The following ADAM10 variants were observed in gnomAD, a reference collection of about 807,000 sequenced individuals.
ADAM10 encodes the protein ADAM metallopeptidase domain 10, also known as disintegrin and metalloproteinase domain-containing protein 10.
In ADAM10, 17 loss-of-function variants were observed where a neutral mutation model predicts 90.1. The ratio of observed to expected loss-of-function variants is 0.19; its 90% confidence interval spans 0.13 to 0.28. The LOEUF (loss-of-function observed/expected upper bound fraction) is 0.28. ADAM10 is among the 10% of genes least tolerant of loss of function. The pLI, the probability that ADAM10 is intolerant of heterozygous loss-of-function variation, is 1.00. For synonymous variants in ADAM10, 310 were observed against 298.6 expected (o/e 1.04, Z -0.40); for missense variants, 610 against 914.3 (o/e 0.67, Z 4.29).
intron 2 of ADAM10, among the ~76,000 whole-genome samples, chr15:58,705,105 G>C (rs1410682603): frequency 6.6e-6 from 1 of 152,146 alleles, no homozygotes; most frequent in African/African-American, 2.4e-5. Flanking sequence ...AACTCTCTTT[G>C]ATTTTTAATG....
At chr15:58,631,147 C>G (rs967020547) in intron 9 of ADAM10, among the ~76,000 whole-genome samples, 3 of 152,142 alleles carry the variant, frequency 2.0e-5, no homozygotes, top group African/African-American at 7.2e-5. Flanking sequence ...GCCTGAGGCC[C>G]TTACCAGAAG....
At chr15:58,712,686 A>G (rs1898514565) in intron 2 of ADAM10, among the ~76,000 whole-genome samples, 1 of 148,880 alleles carries the variant, frequency 6.7e-6, no homozygotes. Context: ...ATTAGCCGGG[A>G]GCGGTGGTGG....
intron 1 of ADAM10, chr15:58,747,486 T>A (rs1330325082): frequency 6.6e-6 from 1 of 152,224 alleles, no homozygotes; most frequent in Non-Finnish European, 1.5e-5. Flanking sequence ...TCAATCTCAA[T>A]GTGCTGAAGT....
At chr15:58,736,258 C>G (rs1010407613) in intron 1 of ADAM10, among the ~76,000 whole-genome samples, 31 of 152,144 alleles carry the variant, frequency 2.0e-4, no homozygotes, top group Non-Finnish European at 4.4e-4. Flanking sequence ...GCAAAGTCAA[C>G]GTCTTCTCCT....
intron 15 of ADAM10, 131 bp from the exon 16 acceptor site, chr15:58,597,772 T>C: frequency 1.2e-6 from 1 of 855,018 alleles, no homozygotes; most frequent in Non-Finnish European, 1.7e-6. Flanking sequence ...ATCAATGTAA[T>C]TTAAAATCTT....
At chr15:58,621,739 T>C in intron 10 of ADAM10, 118 bp from the exon 11 acceptor site, 2 of 1,234,096 alleles carry the variant, frequency 1.6e-6, no homozygotes, top group South Asian at 1.3e-5. Context: ...GATGAATAAG[T>C]AGAACAAACT....
chr15:58,640,970 A>C lies in ADAM10; in HGVS notation c.829-10T>G, dbSNP rs781091745. The C allele has an allele frequency of 1.4e-5, 23 of 1,611,648 alleles. No individual in the cohort carries two copies. The Admixed American group carries it at 2.2e-4, about 15-fold the overall frequency. On this transcript the variant is annotated splice_polypyrimidine_tract_variant and intron_variant, in intron 7 of 15. Transcript: ENST00000260408. ...CAGCAGTTGTATTGATCTAAAATCC[A>C]AAACAATAATTTAGTAAGTAATTAA...
At chr15:58,715,566 C>T (rs142719367) in intron 2 of ADAM10, among the ~76,000 whole-genome samples, 31 of 152,262 alleles carry the variant, frequency 2.0e-4, no homozygotes, top group African/African-American at 7.5e-4. Context: ...TAACACATCA[C>T]ATGTGCCTTA....
chr15:58,727,156 C>T (rs984178429), intron 1 of ADAM10, among the ~76,000 whole-genome samples: 45 of 150,066 alleles, frequency 3.0e-4, no homozygotes, highest in African/African-American at 1.1e-3. Flanking sequence ...TGGTGCACCA[C>T]CATGCCATGC....
At position 58,641,065 on chromosome 15, in the gene ADAM10, G is replaced by A. The variant is rs1332390488; in HGVS notation, c.829-105C>T. 10 of 1,115,512 alleles carry A rather than the reference G, an allele frequency of 9.0e-6. No homozygotes were observed. In the African/African-American group the frequency reaches 1.1e-4, roughly 12 times the overall value. The allele number at this position is 1,115,512 out of a possible 1,614,324, so 69.1% of individuals were successfully genotyped here. A position where few individuals can be genotyped will look rare whatever the true frequency, so the allele number is the denominator to read the frequency against. ...GTACACCTGGACAATATGCTCCCAT[G>A]GAAATCAGGCCTGAATTAAGGCTTC... On this transcript the variant is annotated intron_variant, in intron 7 of 15. Coordinates refer to ENST00000260408, the MANE Select transcript of ADAM10 (RefSeq NM_001110.4).
intron 1 of ADAM10, chr15:58,749,027 C>T: frequency 2.5e-6 from 1 of 399,124 alleles, no homozygotes; most frequent in Non-Finnish European, 4.4e-6. Flanking sequence ...AATCCGCCAC[C>T]GGGCAGGGGC....
chr15:58,655,646 C>G (rs1301492377), intron 5 of ADAM10, among the ~76,000 whole-genome samples: 1 of 97,862 alleles, frequency 1.0e-5, no homozygotes, highest in Non-Finnish European at 1.8e-5. Flanking sequence ...CTGAACTGAT[C>G]CCTTTGCATA....
intron 2 of ADAM10, among the ~76,000 whole-genome samples, chr15:58,706,414 A>G (rs1455714232): frequency 6.6e-6 from 1 of 152,198 alleles, no homozygotes; most frequent in Non-Finnish European, 1.5e-5. Flanking sequence ...CCAGATACTC[A>G]TTTCCTCTTA....
At chr15:58,660,905 A>C (rs937561240) in intron 5 of ADAM10, among the ~76,000 whole-genome samples, 6 of 152,224 alleles carry the variant, frequency 3.9e-5, no homozygotes, top group Admixed American at 2.6e-4. Flanking sequence ...GCCATAGACA[A>C]CCTATCAATG....
chr15:58,610,918 G>A, intron 13 of ADAM10, 81 bp downstream of exon 13: 1 of 1,099,286 alleles, frequency 9.1e-7, no homozygotes, highest in South Asian at 1.3e-5. Context: ...CAAACTGTAG[G>A]TCAAAGTTTT....
At chr15:58,624,597 T>C (rs981923332) in intron 10 of ADAM10, among the ~76,000 whole-genome samples, 22 of 152,314 alleles carry the variant, frequency 1.4e-4, no homozygotes, top group African/African-American at 5.1e-4. Flanking sequence ...AGTGGCACGA[T>C]CTTGGCTCAC....
At chr15:58,680,897 T>G (rs1348216008) in intron 3 of ADAM10, among the ~76,000 whole-genome samples, 1 of 152,026 alleles carries the variant, frequency 6.6e-6, no homozygotes, top group Non-Finnish European at 1.5e-5. Flanking sequence ...TAACTCACTG[T>G]AGCCTCAACC....
At chr15:58,694,215 C>T (rs1050364138) in intron 2 of ADAM10, among the ~76,000 whole-genome samples, 25 of 152,174 alleles carry the variant, frequency 1.6e-4, no homozygotes, top group African/African-American at 5.5e-4. Context: ...TCTGGGAGGC[C>T]GAGACAGGCA....
intron 14 of ADAM10, among the ~76,000 whole-genome samples, chr15:58,606,749 G>A (rs1895287057): frequency 1.3e-5 from 2 of 152,186 alleles, no homozygotes; most frequent in South Asian, 4.1e-4. Context: ...TGACTCAGTG[G>A]GTCTGGAATG....
Sources: gnomAD v4.1 joint callset for allele counts (sites outside exome capture counted in the v4.1 genomes callset) on GRCh38, gnomAD v4.1.1 for gene constraint, MANE v1.5 for transcripts, NCBI Gene and HGNC (gene_info 2026-07-23, HGNC 2026-07-21) for gene names.